The following SPRING1 variants were observed in gnomAD, a reference collection of about 807,000 sequenced individuals.
SPRING1 encodes SREBP regulating gene protein.
In SPRING1, 14 loss-of-function variants were observed where a neutral mutation model predicts 24.7. The observed-to-expected ratio is 0.57, with a 90% CI of 0.37 to 0.88. SPRING1 has a LOEUF of 0.88. Among genes scored for constraint, SPRING1 ranks in the 40% least tolerant of loss-of-function variants. SPRING1 has a pLI of 0.00. For missense variants in SPRING1, 255 were observed against 268.4 expected (o/e 0.95, Z 0.35); for synonymous variants, 93 against 106.1 (o/e 0.88, Z 0.76).
chr12:116,727,015 A>G (rs1451813058), intron 1 of SPRING1, among the ~76,000 whole-genome samples: 1 of 152,190 alleles, frequency 6.6e-6, no homozygotes, highest in African/African-American at 2.4e-5. Context: ...TAACTTAGCA[A>G]TGTTTGCTTT....
chr12:116,711,175 A>G lies in SPRING1; in HGVS notation c.*6635T>C, dbSNP rs990440776. 7 of 152,216 alleles carry G rather than the reference A, an allele frequency of 4.6e-5. No individual in the cohort carries two copies. Among genetic ancestry groups the G allele is most frequent in the African/African-American group, 1.4e-4 (6 of 41,430 alleles). The allele number at this position is 152,216 out of a possible 1,614,324, so 9.4% of individuals were successfully genotyped here. On this transcript the variant is annotated 3_prime_UTR_variant, in exon 5 of 5. Coordinates refer to ENST00000261318, the MANE Select transcript of SPRING1 (RefSeq NM_024738.4). ...ATCTTGACATCCCCCAGTACAACTT[A>G]ATACAATGCCCCAATCCCCACAGGA...
In SPRING1 at chr12:116,718,912, C is replaced by A. The variant is rs1057214930; in HGVS notation, c.534+851G>T. On this transcript the variant is annotated intron_variant, in intron 4 of 4. Transcript: ENST00000261318. ...TCCCTGAAACATTTACCCAATGATA[C>A]TGAATGCTCGCAGAACAAACCAGAG... Among the ~76,000 whole-genome samples the A allele has an allele frequency of 2.6e-5, 4 of 152,310 alleles. No homozygotes were observed. The East Asian group carries it at 7.7e-4, about 29-fold the overall frequency.
rs1344315360 is a variant in SPRING1 at position 116,720,477 on chromosome 12, A to T, written c.269-30T>A. 8 of 1,610,614 alleles carry T rather than the reference A, an allele frequency of 5.0e-6. No individual in the cohort carries two copies. The highest frequency in any genetic ancestry group is 3.4e-5 in the Admixed American group (2 of 59,672). On this transcript the variant is annotated intron_variant, in intron 2 of 4. Coordinates refer to ENST00000261318, the MANE Select transcript of SPRING1 (RefSeq NM_024738.4). The surrounding 1 kb of genome is among the most constrained non-coding windows in gnomAD (Gnocchi z 4.0). Reference sequence around the variant, plus strand: ...AAGTCAGAGACCAACCTTAGCATAAAACCAGCAGCCTTGCCACCTCCCTAC... The same window carrying T: ...AAGTCAGAGACCAACCTTAGCATAATACCAGCAGCCTTGCCACCTCCCTAC...
Position 116,712,202 on chromosome 12 carries a change from T to C in SPRING1, c.*5608A>G, listed in dbSNP as rs1186025069. ...GTTGTAACTGGCAAGTCATTCTCTT[T>C]ACTACATTAAAGTCTGCACTTTCAT... On this transcript the variant is annotated 3_prime_UTR_variant, in exon 5 of 5. Coordinates refer to ENST00000261318, the MANE Select transcript of SPRING1 (RefSeq NM_024738.4). 1.3e-5 allele frequency: 2 copies of C among 152,228 alleles called. No individual in the cohort carries two copies. The highest frequency in any genetic ancestry group is 2.9e-5 in the Non-Finnish European group (2 of 68,034). 9.4% of individuals were successfully genotyped at this position (152,228 alleles called of 1,614,324 possible). A position where few individuals can be genotyped will look rare whatever the true frequency, so the allele number is the denominator to read the frequency against.
rs1168160080 is a variant in SPRING1, at chr12:116,728,706, A to G, written c.112-5483T>C. Among the ~76,000 whole-genome samples, 2 of 152,162 alleles carry G rather than the reference A, an allele frequency of 1.3e-5. No homozygotes were observed. Among genetic ancestry groups the G allele is most frequent in the Non-Finnish European group, 2.9e-5 (2 of 68,046 alleles). On this transcript the variant is annotated intron_variant, in intron 1 of 4. Coordinates refer to ENST00000261318, the MANE Select transcript of SPRING1 (RefSeq NM_024738.4). This position sits in a 1 kb window ranked among gnomAD's most constrained non-coding sequence, Gnocchi z 4.2. Reference sequence around the variant, plus strand: ...ATAGCGTCTTCTCCATCAACGGTACACACCCTGGACCCGTACACTCCATCT... The same window carrying G: ...ATAGCGTCTTCTCCATCAACGGTACGCACCCTGGACCCGTACACTCCATCT...
In SPRING1 at chr12:116,711,599, A is replaced by G. The variant is rs1869874792; in HGVS notation, c.*6211T>C. 6.6e-6 allele frequency: 1 copy of G among 151,972 alleles called. No homozygotes were observed. Among genetic ancestry groups the G allele is most frequent in the African/African-American group, 2.4e-5 (1 of 41,364 alleles). The allele number at this position is 151,972 out of a possible 1,614,324, so 9.4% of individuals were successfully genotyped here. A position where few individuals can be genotyped will look rare whatever the true frequency, so the allele number is the denominator to read the frequency against. On this transcript the variant is annotated 3_prime_UTR_variant, in exon 5 of 5. Transcript: ENST00000261318. Reference sequence around the variant, plus strand: ...GAATCTTAAATTACTGATAATGGTGATTTCTCATTTAGACAACACTTTTTT... The same window carrying G: ...GAATCTTAAATTACTGATAATGGTGGTTTCTCATTTAGACAACACTTTTTT...
chr12:116,719,931 A>G lies in SPRING1; in HGVS notation c.421-55T>C, dbSNP rs1870341474. The G allele has an allele frequency of 3.4e-6, 5 of 1,466,054 alleles. No individual in the cohort carries two copies. The Admixed American group carries it at 8.5e-5, about 25-fold the overall frequency. 90.8% of individuals were successfully genotyped at this position (1,466,054 alleles called of 1,614,324 possible). A position where few individuals can be genotyped will look rare whatever the true frequency, so the allele number is the denominator to read the frequency against. On this transcript the variant is annotated intron_variant, in intron 3 of 4. Coordinates refer to ENST00000261318, the MANE Select transcript of SPRING1 (RefSeq NM_024738.4). ...AAATTACCTAAGCCAGCACAAGGTGACCTTGGCTATCTCTCCTAAACTAAG... is the reference window on the plus strand; with the variant it reads ...AAATTACCTAAGCCAGCACAAGGTGGCCTTGGCTATCTCTCCTAAACTAAG...
rs956917289 is a variant in SPRING1 at position 116,714,424 on chromosome 12, G to A, written c.*3386C>T. On this transcript the variant is annotated 3_prime_UTR_variant, in exon 5 of 5. Coordinates refer to ENST00000261318, the MANE Select transcript of SPRING1 (RefSeq NM_024738.4). ...CCAGGAGGCCCCAGTTGGGCTTGGGGACATGCTGAGAGGTGACAGCACTGC... is the reference window on the plus strand; with the variant it reads ...CCAGGAGGCCCCAGTTGGGCTTGGGAACATGCTGAGAGGTGACAGCACTGC... 1.8e-4 allele frequency: 27 copies of A among 152,260 alleles called. No individual in the cohort carries two copies. Among genetic ancestry groups the A allele is most frequent in the African/African-American group, 6.3e-4 (26 of 41,466 alleles). The allele number at this position is 152,260 out of a possible 1,614,324, so 9.4% of individuals were successfully genotyped here.
At chr12:116,736,052 A>T (rs1449442502) in intron 1 of SPRING1, among the ~76,000 whole-genome samples, 1 of 146,936 alleles carries the variant, frequency 6.8e-6, no homozygotes, top group Non-Finnish European at 1.5e-5. Context: ...AAAAAAAAAA[A>T]AAAAAAAAAA....
At chr12:116,733,415 C>T (rs1428917528) in intron 1 of SPRING1, among the ~76,000 whole-genome samples, 1 of 146,558 alleles carries the variant, frequency 6.8e-6, no homozygotes, top group Non-Finnish European at 1.5e-5. Context: ...ATCTCCTGAC[C>T]TCATGATCTG....
In SPRING1 at chr12:116,717,808, C is replaced by T. The variant is rs1245249795; in HGVS notation, c.*2G>A. ...CAGGCTGGAGCAAGTCCGCTGCACC[C>T]GTCAAGCGGGGAAGAGCTCGGGCGG... is the stretch of plus-strand genomic sequence containing the variant. On this transcript the variant is annotated 3_prime_UTR_variant, in exon 5 of 5. Coordinates refer to ENST00000261318, the MANE Select transcript of SPRING1 (RefSeq NM_024738.4). The surrounding 1 kb of genome is among the most constrained non-coding windows in gnomAD (Gnocchi z 4.2). 1.1e-5 allele frequency: 17 copies of T among 1,589,666 alleles called. No individual in the cohort carries two copies. Among genetic ancestry groups the T allele is most frequent in the East Asian group, 4.5e-5 (2 of 44,070 alleles).
intron 1 of SPRING1, among the ~76,000 whole-genome samples, chr12:116,726,003 C>A (rs1241059832): frequency 6.6e-6 from 1 of 152,060 alleles, no homozygotes; most frequent in Non-Finnish European, 1.5e-5. Context: ...TAAATAAATT[C>A]TATTTCTTTT....
At chr12:116,723,379 C>T (rs1333145891) in intron 1 of SPRING1, among the ~76,000 whole-genome samples, 156 bp from the exon 2 acceptor site, 1 of 152,132 alleles carries the variant, frequency 6.6e-6, no homozygotes, top group African/African-American at 2.4e-5. Flanking sequence ...AAGCCTGAGC[C>T]AAAGTCATAA....
At chr12:116,730,031 G>A (rs1179201966) in intron 1 of SPRING1, among the ~76,000 whole-genome samples, 7 of 152,184 alleles carry the variant, frequency 4.6e-5, no homozygotes, top group African/African-American at 7.2e-5. Flanking sequence ...CTCCCGAGTA[G>A]CTGGAACTAC....
At chr12:116,735,068 G>A (rs1215010648) in intron 1 of SPRING1, among the ~76,000 whole-genome samples, 1 of 152,166 alleles carries the variant, frequency 6.6e-6, no homozygotes, top group South Asian at 2.1e-4. Context: ...CTGAAGAAAT[G>A]AGCAGATTCA....
intron 1 of SPRING1, among the ~76,000 whole-genome samples, chr12:116,737,090 G>A (rs1282686634): frequency 6.6e-6 from 1 of 152,184 alleles, no homozygotes; most frequent in Non-Finnish European, 1.5e-5. Context: ...AAGCAGGGAG[G>A]TGTTCATAAA....
chr12:116,720,451 A>G lies in SPRING1; in HGVS notation c.269-4T>C, dbSNP rs759824137. The G allele has an allele frequency of 3.1e-6, 5 of 1,613,246 alleles. No homozygotes were observed. The African/African-American group carries it at 6.7e-5, about 22-fold the overall frequency. On this transcript the variant is annotated splice_region_variant and splice_polypyrimidine_tract_variant and intron_variant, in intron 2 of 4. Transcript: ENST00000261318. This position sits in a 1 kb window ranked among gnomAD's most constrained non-coding sequence, Gnocchi z 4.0. ...TCCTTCCTCTCGCAAACGTAGCCTG[A>G]AAGTCAGAGACCAACCTTAGCATAA...
In SPRING1 at chr12:116,715,384, C is replaced by T. The variant is rs1473603030; in HGVS notation, c.*2426G>A. On this transcript the variant is annotated 3_prime_UTR_variant, in exon 5 of 5. Coordinates refer to ENST00000261318, the MANE Select transcript of SPRING1 (RefSeq NM_024738.4). ...TCGGTCGAGGGAACCACAAACCAAC[C>T]AGAGTGGAGGGCAGGGAGAGGTCCT... 3 of 152,200 alleles carry T rather than the reference C, an allele frequency of 2.0e-5. No individual in the cohort carries two copies. Among genetic ancestry groups the T allele is most frequent in the African/African-American group, 7.2e-5 (3 of 41,434 alleles). 9.4% of individuals were successfully genotyped at this position (152,200 alleles called of 1,614,324 possible).
At chr12:116,736,676 G>A (rs755530790) in intron 1 of SPRING1, among the ~76,000 whole-genome samples, 2 of 152,162 alleles carry the variant, frequency 1.3e-5, no homozygotes, top group Non-Finnish European at 2.9e-5. Flanking sequence ...GCACCCTGGG[G>A]TGTAACCACC....
Sources: gnomAD v4.1 joint callset for allele counts (sites outside exome capture counted in the v4.1 genomes callset) on GRCh38, gnomAD v4.1.1 for gene constraint, Gnocchi (gnomAD v3.1) non-coding constraint, MANE v1.5 for transcripts, NCBI Gene and HGNC (gene_info 2026-07-23, HGNC 2026-07-21) for gene names.